RHOQ: variants seen among roughly 807,000 people sequenced by gnomAD.
RHOQ encodes the protein ras homolog family member Q.
In RHOQ, 7 loss-of-function variants were observed where a neutral mutation model predicts 25.8. The observed-to-expected ratio is 0.27, with a 90% CI of 0.15 to 0.51. RHOQ has a LOEUF of 0.51. Ranked by LOEUF, RHOQ falls within the 20% of genes least tolerant of loss-of-function variation. RHOQ has a pLI of 0.97. For synonymous variants in RHOQ, 97 were observed against 98.6 expected (o/e 0.98, Z 0.10); for missense variants, 165 against 260.6 (o/e 0.63, Z 2.53).
chr2:46,547,399 G>C (rs928751314), intron 2 of RHOQ, among the ~76,000 whole-genome samples: 10 of 152,246 alleles, frequency 6.6e-5, no homozygotes. Flanking sequence ...GCCTTCTAGA[G>C]CAGGCTGCTT....
At chr2:46,553,306 T>C (rs1668299831) in intron 2 of RHOQ, among the ~76,000 whole-genome samples, 2 of 152,094 alleles carry the variant, frequency 1.3e-5, no homozygotes, top group Non-Finnish European at 2.9e-5. Flanking sequence ...GAACATGACT[T>C]ATTTTATTCT....
At chr2:46,577,632 G>A (rs573346857) in intron 4 of RHOQ, among the ~76,000 whole-genome samples, 11 of 143,668 alleles carry the variant, frequency 7.7e-5, no homozygotes, top group Admixed American at 5.7e-4. Flanking sequence ...AGCCAGGATG[G>A]TCTCGACCTC....
At chr2:46,580,296 C>G (rs946888577) in intron 4 of RHOQ, 3 of 152,340 alleles carry the variant, frequency 2.0e-5, no homozygotes, top group African/African-American at 7.2e-5. Context: ...TTTTGTTGTT[C>G]CCTCTGCCTG....
At chr2:46,574,254 C>G (rs372103781) in intron 2 of RHOQ, among the ~76,000 whole-genome samples, 79 of 152,152 alleles carry the variant, frequency 5.2e-4, no homozygotes, top group African/African-American at 1.9e-3. Context: ...AATGAGAACA[C>G]CCCATTTCCC....
chr2:46,564,040 C>T (rs967339645), intron 2 of RHOQ, among the ~76,000 whole-genome samples: 1 of 152,056 alleles, frequency 6.6e-6, no homozygotes, highest in Non-Finnish European at 1.5e-5. Context: ...TGCAGTAGCT[C>T]ATGCCTATAA....
At chr2:46,571,801 T>A (rs1189676710) in intron 2 of RHOQ, among the ~76,000 whole-genome samples, 1 of 152,244 alleles carries the variant, frequency 6.6e-6, no homozygotes, top group African/African-American at 2.4e-5. Context: ...TCGTCCAATG[T>A]GAGTGTTTTT....
rs756038604 is a variant in RHOQ at position 46,581,782 on chromosome 2, T to C, written c.*699T>C. ...ACATTTTAGTTAATGTGCATTAAAC[T>C]GTAACAAGGCTTCTGGCAATTGTAG... is the stretch of plus-strand genomic sequence containing the variant. On this transcript the variant is annotated 3_prime_UTR_variant, in exon 5 of 5. Transcript: ENST00000238738. 1.7e-5 allele frequency: 12 copies of C among 710,006 alleles called. No individual in the cohort carries two copies. Among genetic ancestry groups the C allele is most frequent in the Admixed American group, 7.7e-5 (2 of 26,128 alleles). 44.0% of individuals were successfully genotyped at this position (710,006 alleles called of 1,614,324 possible).
At chr2:46,572,107 GTTTT>G (rs746265771) in intron 2 of RHOQ, among the ~76,000 whole-genome samples, 3 of 66,252 alleles carry the variant, frequency 4.5e-5, no homozygotes, top group African/African-American at 1.7e-4. Context: ...GTAAGTGTGT[GTTTT>G]TTTTTTTTTT....
In RHOQ at chr2:46,581,311, A is replaced by G; in HGVS notation, c.*228A>G. ...CTATTATAAATACTTTATTTCAACTAGAAGGTACAATCTCTCAGGGGTTTC... is the reference window on the plus strand; with the variant it reads ...CTATTATAAATACTTTATTTCAACTGGAAGGTACAATCTCTCAGGGGTTTC... On this transcript the variant is annotated 3_prime_UTR_variant, in exon 5 of 5. Coordinates refer to ENST00000238738, the MANE Select transcript of RHOQ (RefSeq NM_012249.4). The G allele has an allele frequency of 9.6e-7, 1 of 1,038,416 alleles. No homozygotes were observed. The highest frequency in any genetic ancestry group is 1.4e-6 in the Non-Finnish European group (1 of 726,148). The allele number at this position is 1,038,416 out of a possible 1,614,324, so 64.3% of individuals were successfully genotyped here. A position where few individuals can be genotyped will look rare whatever the true frequency, so the allele number is the denominator to read the frequency against.
At chr2:46,543,548 G>T (rs542127051) in intron 1 of RHOQ, 1 of 611,780 alleles carries the variant, frequency 1.6e-6, no homozygotes, top group East Asian at 2.8e-5. Flanking sequence ...GGAGAAGGGG[G>T]TGGACGGCTG....
At chr2:46,563,495 T>C (rs989625390) in intron 2 of RHOQ, among the ~76,000 whole-genome samples, 3 of 152,042 alleles carry the variant, frequency 2.0e-5, no homozygotes, top group Non-Finnish European at 4.4e-5. Context: ...CCGTCTGTAG[T>C]ATAAAAGGGC....
chr2:46,547,259 C>A (rs1406150751), intron 2 of RHOQ, among the ~76,000 whole-genome samples: 1 of 152,210 alleles, frequency 6.6e-6, no homozygotes, highest in East Asian at 1.9e-4. Flanking sequence ...AGTTTGGAAC[C>A]TCTAGTCCAC....
chr2:46,576,750 T>C lies in RHOQ; in HGVS notation c.462+94T>C, dbSNP rs1669142328. 2 of 830,722 alleles carry C rather than the reference T, an allele frequency of 2.4e-6. No homozygotes were observed. The highest frequency in any genetic ancestry group is 3.9e-6 in the Non-Finnish European group (2 of 518,272). The allele number at this position is 830,722 out of a possible 1,614,324, so 51.5% of individuals were successfully genotyped here. A position where few individuals can be genotyped will look rare whatever the true frequency, so the allele number is the denominator to read the frequency against. ...TATTGTGTATTTACTGTGTGCCAGG[T>C]GGAGTGCTTTACATGCATTATCTCA... On this transcript the variant is annotated intron_variant, in intron 4 of 4. Transcript: ENST00000238738. The surrounding 1 kb of genome is among the most constrained non-coding windows in gnomAD (Gnocchi z 5.1).
chr2:46,562,005 G>T (rs891221059), intron 2 of RHOQ, among the ~76,000 whole-genome samples: 69 of 152,280 alleles, frequency 4.5e-4, no homozygotes, highest in African/African-American at 1.5e-3. Context: ...CTAAGCCAGT[G>T]GCTCTTTGAA....
intron 2 of RHOQ, among the ~76,000 whole-genome samples, chr2:46,572,998 T>C (rs1417157116): frequency 6.6e-6 from 1 of 152,190 alleles, no homozygotes; most frequent in African/African-American, 2.4e-5. Flanking sequence ...CTAAATTTGC[T>C]ATTATTAGAC....
chr2:46,543,226 G>A (rs778504224), intron 1 of RHOQ, 38 bp downstream of exon 1: 2 of 1,608,434 alleles, frequency 1.2e-6, no homozygotes, highest in South Asian at 2.2e-5. Context: ...GCCGCTCCCC[G>A]GGCCGGGAAC....
intron 2 of RHOQ, among the ~76,000 whole-genome samples, chr2:46,547,445 G>T (rs112685735): frequency 7.9e-4 from 120 of 152,346 alleles, no homozygotes; most frequent in East Asian, 3.9e-4. Flanking sequence ...CAGACAAAGA[G>T]AGAGAATGGG....
chr2:46,578,371 T>C (rs1669209252), intron 4 of RHOQ, among the ~76,000 whole-genome samples: 1 of 151,776 alleles, frequency 6.6e-6, no homozygotes, highest in African/African-American at 2.4e-5. Context: ...AGGATGTTGG[T>C]CAAAGTGTAC....
Position 46,556,578 on chromosome 2 carries a change from C to A in RHOQ, c.201+12766C>A, listed in dbSNP as rs558258115. ...CCTCTGTTCATATACTCTCCCACCC[C>A]AACCACACCCTAATAGCTTTATTTA... is the stretch of plus-strand genomic sequence containing the variant. On this transcript the variant is annotated intron_variant, in intron 2 of 4. Coordinates refer to ENST00000238738, the MANE Select transcript of RHOQ (RefSeq NM_012249.4). The surrounding 1 kb of genome is among the most constrained non-coding windows in gnomAD (Gnocchi z 4.9). Among the ~76,000 whole-genome samples the A allele has an allele frequency of 7.6e-4, 115 of 152,004 alleles. 1 individual carries two copies. Among genetic ancestry groups the A allele is most frequent in the African/African-American group, 2.7e-3 (112 of 41,442 alleles).
Sources: gnomAD v4.1 joint callset for allele counts (sites outside exome capture counted in the v4.1 genomes callset) on GRCh38, gnomAD v4.1.1 for gene constraint, Gnocchi (gnomAD v3.1) non-coding constraint, MANE v1.5 for transcripts, NCBI Gene and HGNC (gene_info 2026-07-23, HGNC 2026-07-21) for gene names.